The following CDH13 variants were observed in gnomAD, a reference collection of about 807,000 sequenced individuals.
The protein encoded by CDH13 is cadherin 13, also known as cadherin-13.
A neutral mutation model predicts 63.8 loss-of-function variants in CDH13; 24 were observed. The observed-to-expected ratio is 0.38, with a 90% CI of 0.27 to 0.53. The LOEUF is 0.53. Ranked by LOEUF, CDH13 falls within the 20% of genes least tolerant of loss-of-function variation. The pLI, the probability that CDH13 is intolerant of heterozygous loss-of-function variation, is 0.85. For missense variants in CDH13, 1,049 were observed against 903.1 expected, an observed-to-expected ratio of 1.16 and a Z score of -2.07; for synonymous variants, 503 against 355.3, an observed-to-expected ratio of 1.42 and a Z score of -4.67.
chr16:83,267,788 G>A (rs1342059597), intron 5 of CDH13, among the ~76,000 whole-genome samples: 1 of 152,066 alleles, frequency 6.6e-6, no homozygotes, highest in East Asian at 1.9e-4. Flanking sequence ...CATTAGAAAT[G>A]ACCCAGTCAT....
chr16:82,939,250 C>T (rs1402609295), intron 2 of CDH13, among the ~76,000 whole-genome samples: 3 of 152,042 alleles, frequency 2.0e-5, no homozygotes, highest in Non-Finnish European at 4.4e-5. Flanking sequence ...ATGGTGAAAC[C>T]CTGTTCTACT....
chr16:83,074,476 T>G (rs1417208705), intron 3 of CDH13, among the ~76,000 whole-genome samples: 1 of 152,192 alleles, frequency 6.6e-6, no homozygotes, highest in Admixed American at 6.6e-5. Context: ...ATGTATCCCT[T>G]TGATAGACTG....
At chr16:83,723,502 G>A (rs1909961903) in intron 10 of CDH13, among the ~76,000 whole-genome samples, 1 of 152,096 alleles carries the variant, frequency 6.6e-6, no homozygotes. Context: ...CCTTGCCCAG[G>A]CCTTCATGTG....
intron 8 of CDH13, among the ~76,000 whole-genome samples, chr16:83,603,162 T>A (rs976417274): frequency 1.3e-5 from 2 of 152,226 alleles, no homozygotes; most frequent in African/African-American, 4.8e-5. Flanking sequence ...GGGGAAGGGC[T>A]GAGTACACAA....
chr16:83,003,299 C>G (rs1169254528), intron 2 of CDH13, among the ~76,000 whole-genome samples: 1 of 152,106 alleles, frequency 6.6e-6, no homozygotes, highest in Non-Finnish European at 1.5e-5. Context: ...GGATTGCCAT[C>G]TCTCATGGTG....
intron 2 of CDH13, among the ~76,000 whole-genome samples, chr16:83,014,436 G>T (rs138254814): frequency 6.6e-6 from 1 of 151,558 alleles, no homozygotes; most frequent in Non-Finnish European, 1.5e-5. Context: ...TAAAAGCCAG[G>T]TATAAAGGTA....
At chr16:83,239,485 A>G (rs1453586516) in intron 5 of CDH13, among the ~76,000 whole-genome samples, 1 of 152,148 alleles carries the variant, frequency 6.6e-6, no homozygotes, top group African/African-American at 2.4e-5. Context: ...TTACTTCGCC[A>G]GCCACCAAGC....
At chr16:83,758,124 A>C (rs28662182) in intron 11 of CDH13, among the ~76,000 whole-genome samples, 23,425 of 152,054 alleles carry the variant, frequency 0.15, 2,749 homozygotes, top group African/African-American at 0.34. Flanking sequence ...AAAGAAAACT[A>C]CAGATCCAGA....
intron 5 of CDH13, among the ~76,000 whole-genome samples, chr16:83,286,130 G>A (rs182592922): frequency 3.3e-5 from 5 of 152,262 alleles, no homozygotes; most frequent in African/African-American, 1.2e-4. Flanking sequence ...TCTCTCCCCA[G>A]TGTTTGAGGC....
In CDH13 at chr16:82,670,718, A is replaced by G. The variant is rs143488803; in HGVS notation, c.45+43581A>G. ...ATGAAACTTATAGACACATCCATGG[A>G]TTTCCCTTTAATAAATCGTCTCTTC... is the stretch of plus-strand genomic sequence containing the variant. On this transcript the variant is annotated intron_variant, in intron 1 of 13. Transcript: ENST00000567109. Among the ~76,000 whole-genome samples the G allele has an allele frequency of 4.3e-4, 66 of 152,284 alleles. No individual in the cohort carries two copies. In the East Asian group the frequency reaches 0.011, roughly 26 times the overall value.
At chr16:82,711,302 C>T (rs1454792402) in intron 1 of CDH13, among the ~76,000 whole-genome samples, 3 of 152,148 alleles carry the variant, frequency 2.0e-5, no homozygotes, top group East Asian at 3.8e-4. Flanking sequence ...AGGATAGAGT[C>T]TTAGAATCTC....
At chr16:82,637,812 G>T (rs935003625) in intron 1 of CDH13, 8 of 152,178 alleles carry the variant, frequency 5.3e-5, no homozygotes, top group African/African-American at 1.9e-4. Context: ...AATAAGTGGT[G>T]AGCTGGGATT....
At chr16:83,182,731 G>T (rs1243307286) in intron 4 of CDH13, among the ~76,000 whole-genome samples, 2 of 152,158 alleles carry the variant, frequency 1.3e-5, no homozygotes, top group African/African-American at 4.8e-5. Flanking sequence ...GACTAAAAAA[G>T]TTAGTAACAC....
intron 3 of CDH13, among the ~76,000 whole-genome samples, chr16:83,060,416 C>G (rs1317993132): frequency 6.6e-6 from 1 of 152,088 alleles, no homozygotes; most frequent in Non-Finnish European, 1.5e-5. Flanking sequence ...TTTGAAAAGA[C>G]AAAGTGTGAA....
intron 5 of CDH13, among the ~76,000 whole-genome samples, chr16:83,275,059 T>G (rs1281155786): frequency 6.6e-6 from 1 of 152,178 alleles, no homozygotes; most frequent in Non-Finnish European, 1.5e-5. Flanking sequence ...CTTCCCACTA[T>G]TATACATGAG....
intron 5 of CDH13, among the ~76,000 whole-genome samples, chr16:83,286,726 A>G (rs1249840693): frequency 6.7e-6 from 1 of 149,940 alleles, no homozygotes; most frequent in Non-Finnish European, 1.5e-5. Flanking sequence ...ACTGTATTCC[A>G]GCCTGGGCAA....
At chr16:82,790,144 T>C (rs2036224890) in intron 1 of CDH13, among the ~76,000 whole-genome samples, 1 of 152,058 alleles carries the variant, frequency 6.6e-6, no homozygotes, top group Admixed American at 6.6e-5. Flanking sequence ...CTTACAAAAT[T>C]TCTAATTATA....
intron 2 of CDH13, among the ~76,000 whole-genome samples, chr16:82,929,862 AAGG>A (rs1394673486): frequency 6.6e-6 from 1 of 151,764 alleles, no homozygotes; most frequent in Non-Finnish European, 1.5e-5. Context: ...TACCTGTAGA[AAGG>A]AGTAGTCATA....
chr16:82,991,135 C>G (rs1911605098), intron 2 of CDH13, among the ~76,000 whole-genome samples: 1 of 152,158 alleles, frequency 6.6e-6, no homozygotes, highest in Non-Finnish European at 1.5e-5. Flanking sequence ...ATGGCCTTCT[C>G]CCAAGCAACA....
Sources: allele counts gnomAD v4.1 joint callset (sites outside exome capture counted in the v4.1 genomes callset), GRCh38; gene constraint gnomAD v4.1.1; transcripts MANE v1.5; gene names NCBI Gene and HGNC (gene_info 2026-07-23, HGNC 2026-07-21).